The following SNX27 variants were observed in gnomAD, a reference collection of about 807,000 sequenced individuals.
SNX27 encodes sorting nexin 27.
SNX27 carries 22 observed loss-of-function variants against 71.6 expected under a neutral mutation model. The ratio of observed to expected loss-of-function variants is 0.31; its 90% CI spans 0.22 to 0.44. The LOEUF (loss-of-function observed/expected upper bound fraction) is 0.44. Ranked by LOEUF, SNX27 falls within the 20% of genes least tolerant of loss-of-function variation. The pLI, the probability that SNX27 is intolerant of heterozygous loss-of-function variation, is 1.00. For synonymous variants in SNX27, 269 were observed against 277.2 expected (o/e 0.97, Z 0.29); for missense variants, 531 against 698.6 (o/e 0.76, Z 2.70).
At chr1:151,646,442 T>A (rs189308439) in intron 2 of SNX27, among the ~76,000 whole-genome samples, 3 of 151,876 alleles carry the variant, frequency 2.0e-5, no homozygotes, top group Non-Finnish European at 4.4e-5. Context: ...TTTCCTGCCT[T>A]CTTTTGGATG....
chr1:151,642,282 G>T (rs978387132), intron 2 of SNX27, among the ~76,000 whole-genome samples: 1 of 151,708 alleles, frequency 6.6e-6, no homozygotes, highest in African/African-American at 2.4e-5. Flanking sequence ...AGCTACTTGG[G>T]AGGCTGAGGC....
rs970784844 is a variant in SNX27 at position 151,698,760 on chromosome 1, C to T, written c.*4343C>T. On this transcript the variant is annotated 3_prime_UTR_variant, in exon 12 of 12. Transcript: ENST00000458013. ...AGGGGAGTGATACGGGGTGGGGGCA[C>T]TTGGCCGCCTGCTAAACTTGGACAT... The T allele has an allele frequency of 1.3e-5, 2 of 152,638 alleles. No homozygotes were observed. Among genetic ancestry groups the T allele is most frequent in the East Asian group, 3.8e-4 (2 of 5,198 alleles). 9.5% of individuals were successfully genotyped at this position (152,638 alleles called of 1,614,324 possible).
chr1:151,653,592 CT>C (rs561694544), intron 2 of SNX27, among the ~76,000 whole-genome samples: 154 of 152,226 alleles, frequency 1.0e-3, no homozygotes, highest in Non-Finnish European at 1.4e-3. Flanking sequence ...AATAATGGCT[CT>C]TTGCAGCCTT....
intron 2 of SNX27, among the ~76,000 whole-genome samples, chr1:151,643,390 G>A (rs182887819): frequency 6.6e-6 from 1 of 151,972 alleles, no homozygotes; most frequent in East Asian, 1.9e-4. Flanking sequence ...GGCCTCCCGG[G>A]TTCAAGCAAT....
chr1:151,649,911 G>A (rs953348780), intron 2 of SNX27, among the ~76,000 whole-genome samples: 1 of 151,680 alleles, frequency 6.6e-6, no homozygotes, highest in African/African-American at 2.4e-5. Context: ...TTTTTGAGAT[G>A]GGGTCTCACT....
At chr1:151,693,627 C>T (rs1462156157) in intron 11 of SNX27, 144 bp downstream of exon 11, 1 of 1,613,764 alleles carries the variant, frequency 6.2e-7, no homozygotes, top group Non-Finnish European at 8.5e-7. Flanking sequence ...CTCATGTGAG[C>T]CAGGACATTC....
At chr1:151,652,205 G>GGGGCGAGGGAGA (rs1669431881) in intron 2 of SNX27, among the ~76,000 whole-genome samples, 19 of 62,252 alleles carry the variant, frequency 3.1e-4, no homozygotes. Flanking sequence ...GGGAGACCGT[G>GGGGCGAGGGAGA]GGGAGAGGGA....
intron 3 of SNX27, 67 bp from the exon 4 acceptor site, chr1:151,660,731 A>G (rs1157903059): frequency 3.3e-6 from 4 of 1,215,774 alleles, no homozygotes; most frequent in Non-Finnish European, 2.4e-6. Flanking sequence ...TAAAACTTTG[A>G]TACGTCTTTG....
At chr1:151,626,184 A>G (rs1442573222) in intron 1 of SNX27, among the ~76,000 whole-genome samples, 1 of 152,060 alleles carries the variant, frequency 6.6e-6, no homozygotes, top group African/African-American at 2.4e-5. Flanking sequence ...ATACTTAAAA[A>G]AAGGTACCAA....
At chr1:151,613,888 CT>C (rs1243841981) in intron 1 of SNX27, 1 of 152,124 alleles carries the variant, frequency 6.6e-6, no homozygotes, top group African/African-American at 2.4e-5. Flanking sequence ...CTTTTTTACA[CT>C]TTTACTCTCT....
Position 151,698,544 on chromosome 1 carries a change from G to A in SNX27, c.*4127G>A, listed in dbSNP as rs762022342. On this transcript the variant is annotated 3_prime_UTR_variant, in exon 12 of 12. Coordinates refer to ENST00000458013, the MANE Select transcript of SNX27 (RefSeq NM_001330723.2). Reference sequence around the variant, plus strand: ...GTGATAGAACACTCAGAGAGAGGGAGGGAGAAGAGAGATAGTGGGTATGCT... The same window carrying A: ...GTGATAGAACACTCAGAGAGAGGGAAGGAGAAGAGAGATAGTGGGTATGCT... The A allele has an allele frequency of 3.3e-5, 5 of 152,320 alleles. No homozygotes were observed. The highest frequency in any genetic ancestry group is 7.3e-5 in the Non-Finnish European group (5 of 68,072). 9.4% of individuals were successfully genotyped at this position (152,320 alleles called of 1,614,324 possible).
intron 2 of SNX27, among the ~76,000 whole-genome samples, chr1:151,646,998 A>G (rs1296720008): frequency 6.6e-6 from 1 of 152,046 alleles, no homozygotes; most frequent in Non-Finnish European, 1.5e-5. Flanking sequence ...ATTGACTTCT[A>G]TATGTGTTAT....
intron 8 of SNX27, among the ~76,000 whole-genome samples, chr1:151,686,332 G>A (rs1053334580): frequency 6.6e-6 from 1 of 152,148 alleles, no homozygotes; most frequent in Non-Finnish European, 1.5e-5. Flanking sequence ...ATTGTGCTGT[G>A]GCAAAATATA....
At chr1:151,652,236 GGGAGAGGGAGAC>G (rs1224614142) in intron 2 of SNX27, among the ~76,000 whole-genome samples, 1 of 144,894 alleles carries the variant, frequency 6.9e-6, no homozygotes, top group Non-Finnish European at 1.5e-5. Context: ...GAGAGGGAGA[GGGAGAGGGAGAC>G]GGAGAGGGAG....
chr1:151,680,911 G>A (rs1252678665), intron 7 of SNX27, among the ~76,000 whole-genome samples: 1 of 152,124 alleles, frequency 6.6e-6, no homozygotes, highest in South Asian at 2.1e-4. Context: ...GGTTCTTCTT[G>A]AACATCCCCT....
At chr1:151,687,009 C>T (rs1558075006) in intron 8 of SNX27, among the ~76,000 whole-genome samples, 1 of 152,186 alleles carries the variant, frequency 6.6e-6, no homozygotes, top group Non-Finnish European at 1.5e-5. Context: ...GTTTATAATA[C>T]CCAGTGTGAT....
chr1:151,682,017 G>A (rs1670988904), intron 7 of SNX27, among the ~76,000 whole-genome samples: 2 of 152,152 alleles, frequency 1.3e-5, no homozygotes, highest in African/African-American at 4.8e-5. Context: ...CATTCTGACT[G>A]CCTATATCAC....
intron 2 of SNX27, among the ~76,000 whole-genome samples, chr1:151,649,268 A>T (rs1419488220): frequency 6.6e-6 from 1 of 151,980 alleles, no homozygotes. Context: ...CCGATTTTTT[A>T]AATTTTTATT....
At chr1:151,626,699 CTAAATAAATAAA>C (rs71090202) in intron 1 of SNX27, among the ~76,000 whole-genome samples, 6 of 150,908 alleles carry the variant, frequency 4.0e-5, no homozygotes, top group Non-Finnish European at 5.9e-5. Flanking sequence ...AAGACTCCGT[CTAAATAAATAAA>C]TAAATAAATA....
Sources: allele counts gnomAD v4.1 joint callset (sites outside exome capture counted in the v4.1 genomes callset), GRCh38; gene constraint gnomAD v4.1.1; transcripts MANE v1.5; gene names NCBI Gene and HGNC (gene_info 2026-07-23, HGNC 2026-07-21).